Variants in SPTLC3 observed in about 807,000 individuals in gnomAD.
SPTLC3 encodes the protein serine palmitoyltransferase long chain base subunit 3, also known as serine palmitoyltransferase 3.
SPTLC3 carries 36 observed loss-of-function variants against 59.3 expected under a neutral mutation model. That is an observed-to-expected ratio of 0.61 (90% CI 0.47 to 0.80). The LOEUF is 0.80. Among genes scored for constraint, SPTLC3 ranks in the 30% least tolerant of loss-of-function variants. SPTLC3 has a pLI of 0.00. For synonymous variants in SPTLC3, 257 were observed against 240.8 expected, an observed-to-expected ratio of 1.07 and a Z score of -0.62; for missense variants, 625 against 685.1, an observed-to-expected ratio of 0.91 and a Z score of 0.98.
intron 6 of SPTLC3, among the ~76,000 whole-genome samples, chr20:13,108,821 T>C (rs1990059869): frequency 6.6e-6 from 1 of 152,180 alleles, no homozygotes; most frequent in South Asian, 2.1e-4. Flanking sequence ...CTTTGCTAGA[T>C]GTCACCTTTT....
intron 9 of SPTLC3, among the ~76,000 whole-genome samples, chr20:13,134,179 T>G (rs947998917): frequency 1.3e-5 from 2 of 152,202 alleles, no homozygotes; most frequent in African/African-American, 4.8e-5. Context: ...AATACATACT[T>G]TCCAGTTGAA....
At chr20:13,049,190 A>G (rs1329805951) in intron 2 of SPTLC3, 60 bp downstream of exon 2, 3 of 1,577,968 alleles carry the variant, frequency 1.9e-6, no homozygotes, top group East Asian at 2.3e-5. Flanking sequence ...AAGTGTTCTC[A>G]GAAGTGGTGA....
At chr20:13,020,849 A>G (rs758496584) in intron 1 of SPTLC3, among the ~76,000 whole-genome samples, 6 of 152,168 alleles carry the variant, frequency 3.9e-5, no homozygotes, top group Non-Finnish European at 7.3e-5. Flanking sequence ...ATTCTTTATG[A>G]GGCTATGGTA....
intron 9 of SPTLC3, among the ~76,000 whole-genome samples, chr20:13,127,354 G>GATAC (rs2038017965): frequency 6.6e-6 from 1 of 152,172 alleles, no homozygotes; most frequent in South Asian, 2.1e-4. Flanking sequence ...CACCAGAGGG[G>GATAC]ATACGGTGCT....
At chr20:13,153,859 G>A in intron 9 of SPTLC3, 144 bp from the exon 10 acceptor site, 2 of 1,092,612 alleles carry the variant, frequency 1.8e-6, no homozygotes, top group Middle Eastern at 3.1e-4. Flanking sequence ...CTGCTCCCCA[G>A]GAGATATCTC....
At chr20:13,035,815 GT>G (rs1986709272) in intron 1 of SPTLC3, among the ~76,000 whole-genome samples, 1 of 152,092 alleles carries the variant, frequency 6.6e-6, no homozygotes, top group Non-Finnish European at 1.5e-5. Context: ...TAAAATACAT[GT>G]CATAAAGCTA....
intron 9 of SPTLC3, among the ~76,000 whole-genome samples, chr20:13,149,754 G>A (rs1286563629): frequency 6.6e-6 from 1 of 152,236 alleles, no homozygotes. Flanking sequence ...GGATCTGGAA[G>A]CAGGGAAATG....
chr20:13,020,837 C>A (rs1039165412), intron 1 of SPTLC3, among the ~76,000 whole-genome samples: 2 of 152,056 alleles, frequency 1.3e-5, no homozygotes, highest in Non-Finnish European at 2.9e-5. Context: ...TGTCTCTGAT[C>A]CATTCTTTAT....
chr20:13,106,097 A>T (rs1298383995), intron 6 of SPTLC3, among the ~76,000 whole-genome samples: 1 of 152,324 alleles, frequency 6.6e-6, no homozygotes, highest in South Asian at 2.1e-4. Flanking sequence ...AAAAATATCT[A>T]TCTGCTCGTT....
At chr20:13,032,197 A>G (rs1986510237) in intron 1 of SPTLC3, among the ~76,000 whole-genome samples, 1 of 152,182 alleles carries the variant, frequency 6.6e-6, no homozygotes, top group African/African-American at 2.4e-5. Flanking sequence ...GTGTTCCTCA[A>G]GTGAGCCAGC....
At chr20:13,074,259 A>T in intron 3 of SPTLC3, 90 bp from the exon 4 acceptor site, 1 of 1,530,184 alleles carries the variant, frequency 6.5e-7, no homozygotes, top group Non-Finnish European at 8.9e-7. Flanking sequence ...CTTTTTCTTC[A>T]TAGGAACCCA....
At chr20:13,157,273 C>CCA (rs1555800974) in intron 10 of SPTLC3, among the ~76,000 whole-genome samples, 6 of 143,638 alleles carry the variant, frequency 4.2e-5, no homozygotes, top group Non-Finnish European at 7.6e-5. Flanking sequence ...ACTAAAAGTA[C>CCA]AAAAAAAAAA....
intron 10 of SPTLC3, 142 bp downstream of exon 10, chr20:13,154,280 G>A (rs1378174491): frequency 2.8e-6 from 3 of 1,066,108 alleles, no homozygotes; most frequent in Non-Finnish European, 4.0e-6. Context: ...GAAGCCACCT[G>A]TCACTCTATC....
chr20:13,061,851 T>A (rs886151379), intron 2 of SPTLC3, among the ~76,000 whole-genome samples: 1 of 152,146 alleles, frequency 6.6e-6, no homozygotes, highest in African/African-American at 2.4e-5. Context: ...TAACAAGCAA[T>A]GTGATGTTTA....
chr20:13,088,951 C>CG (rs1989108460), intron 4 of SPTLC3, among the ~76,000 whole-genome samples: 1 of 152,028 alleles, frequency 6.6e-6, no homozygotes, highest in African/African-American at 2.4e-5. Context: ...TTTTACTATG[C>CG]CTTCTAATAA....
chr20:13,027,742 TA>T (rs1986229048), intron 1 of SPTLC3, among the ~76,000 whole-genome samples: 1 of 152,080 alleles, frequency 6.6e-6, no homozygotes, highest in African/African-American at 2.4e-5. Flanking sequence ...TCAGTCTTAC[TA>T]AAATTTTAAA....
intron 1 of SPTLC3, among the ~76,000 whole-genome samples, chr20:13,018,872 T>G (rs1223489048): frequency 6.6e-6 from 1 of 152,164 alleles, no homozygotes. Context: ...ATCTATAAAT[T>G]TACGACAGAA....
At chr20:13,152,512 G>A (rs79266251) in intron 9 of SPTLC3, among the ~76,000 whole-genome samples, 3,166 of 152,262 alleles carry the variant, frequency 0.021, 68 homozygotes, top group East Asian at 0.041. Flanking sequence ...AGTGTCCTGC[G>A]CAGTGGCTTC....
At chr20:13,138,378 C>G (rs73085895) in intron 9 of SPTLC3, among the ~76,000 whole-genome samples, 2,831 of 152,284 alleles carry the variant, frequency 0.019, 45 homozygotes, top group Non-Finnish European at 0.03. Context: ...CTCCTGAGCC[C>G]CTGGCCATCC....
Sources: allele counts gnomAD v4.1 joint callset (sites outside exome capture counted in the v4.1 genomes callset), GRCh38; gene constraint gnomAD v4.1.1; transcripts MANE v1.5; gene names NCBI Gene and HGNC (gene_info 2026-07-23, HGNC 2026-07-21).